The following BICD1 variants were observed in gnomAD, a reference collection of about 807,000 sequenced individuals.
The protein encoded by BICD1 is BICD cargo adaptor 1.
A neutral mutation model predicts 92.5 loss-of-function variants in BICD1; 35 were observed. The observed-to-expected ratio is 0.38, with a 90% CI of 0.29 to 0.50. BICD1 has a LOEUF of 0.50. BICD1 is among the 20% of genes least tolerant of loss of function. The probability of loss-of-function intolerance (pLI) is 0.93; values close to 1 mark genes in which losing one functional copy is unlikely to be tolerated. For synonymous variants in BICD1, 429 were observed against 465.1 expected (o/e 0.92, Z 1.00); for missense variants, 950 against 1,189.8 (o/e 0.80, Z 2.97).
rs139399739 is a variant in BICD1, at chr12:32,255,977, A to G, written c.427-38017A>G. ...TTAATTAATTATTATTAATTTATCA[A>G]TAGAGCAGATATTGAACACTTACTA... On this transcript the variant is annotated intron_variant, in intron 2 of 9. Coordinates refer to ENST00000652176, the MANE Select transcript of BICD1 (RefSeq NM_001714.4). Among the ~76,000 whole-genome samples, 270 of 152,316 alleles carry G rather than the reference A, an allele frequency of 1.8e-3. 7 individuals carry two copies. The East Asian group carries it at 0.044, about 25-fold the overall frequency.
chr12:32,110,754 G>A lies in BICD1; in HGVS notation c.213+3210G>A, dbSNP rs140931265. Among the ~76,000 whole-genome samples the A allele has an allele frequency of 1.3e-3, 190 of 147,202 alleles. 1 individual carries two copies. Among genetic ancestry groups the A allele is most frequent in the East Asian group, 8.1e-3 (40 of 4,922 alleles). On this transcript the variant is annotated intron_variant, in intron 1 of 9. Transcript: ENST00000652176. ...TAAACTTAAGAGTTTTTTTTACACCGCATGTTCTCACTCATAGATGGGAAT... is the reference window on the plus strand; with the variant it reads ...TAAACTTAAGAGTTTTTTTTACACCACATGTTCTCACTCATAGATGGGAAT...
chr12:32,370,905 A>C (rs1468838910), intron 9 of BICD1, among the ~76,000 whole-genome samples: 1 of 152,166 alleles, frequency 6.6e-6, no homozygotes, highest in Non-Finnish European at 1.5e-5. Flanking sequence ...GGGTCTGGCT[A>C]TGTTGCCCAA....
At chr12:32,257,996 T>TC (rs1946764083) in intron 2 of BICD1, among the ~76,000 whole-genome samples, 1 of 152,206 alleles carries the variant, frequency 6.6e-6, no homozygotes, top group African/African-American at 2.4e-5. Context: ...ACTATGAACA[T>TC]CCTTGTTCAT....
chr12:32,374,268 T>C (rs1939846342), intron 9 of BICD1, among the ~76,000 whole-genome samples: 1 of 151,866 alleles, frequency 6.6e-6, no homozygotes, highest in South Asian at 2.1e-4. Context: ...TCTTGTGTAA[T>C]GTGACGATTC....
At chr12:32,357,496 GCA>G (rs1163700488) in intron 8 of BICD1, among the ~76,000 whole-genome samples, 2 of 152,174 alleles carry the variant, frequency 1.3e-5, no homozygotes, top group Non-Finnish European at 2.9e-5. Context: ...GTAAGAAGGA[GCA>G]CTAACTGCTT....
intron 1 of BICD1, among the ~76,000 whole-genome samples, chr12:32,210,731 A>G (rs1006626423): frequency 3.3e-5 from 5 of 152,238 alleles, no homozygotes; most frequent in Non-Finnish European, 5.9e-5. Context: ...TTAAACAAAA[A>G]TTACCCATGA....
chr12:32,243,265 T>TTTTTTTTC (rs1491336658), intron 2 of BICD1, among the ~76,000 whole-genome samples: 1 of 36,922 alleles, frequency 2.7e-5, no homozygotes, highest in Non-Finnish European at 5.3e-5. Context: ...GCCTGGCTAA[T>TTTTTTTTC]TTTTTTTTTT....
intron 1 of BICD1, among the ~76,000 whole-genome samples, chr12:32,154,253 G>T (rs1042378803): frequency 1.3e-4 from 19 of 151,926 alleles, no homozygotes; most frequent in African/African-American, 4.6e-4. Flanking sequence ...ATATGTTCTG[G>T]GCTCCGTAGA....
chr12:32,144,477 G>A (rs1943044787), intron 1 of BICD1, among the ~76,000 whole-genome samples: 1 of 152,120 alleles, frequency 6.6e-6, no homozygotes, highest in African/African-American at 2.4e-5. Flanking sequence ...TCCACAGTGG[G>A]TACAAATGTC....
intron 1 of BICD1, chr12:32,108,787 A>G: frequency 1.7e-6 from 1 of 576,748 alleles, no homozygotes; most frequent in East Asian, 2.9e-5. Context: ...CCTATGATTA[A>G]AAATCCCAAC....
intron 2 of BICD1, among the ~76,000 whole-genome samples, chr12:32,236,441 G>A (rs1488879687): frequency 6.6e-6 from 1 of 152,016 alleles, no homozygotes; most frequent in Non-Finnish European, 1.5e-5. Flanking sequence ...ATCCATAAAT[G>A]TTGTATGTGT....
chr12:32,121,035 C>G lies in BICD1; in HGVS notation c.213+13491C>G, dbSNP rs969449423. ...CCAGGCTGGAGTGCAGTGGCGTGAT[C>G]TCAGCTCACTGCAGCCACCGCCTCC... On this transcript the variant is annotated intron_variant, in intron 1 of 9. Transcript: ENST00000652176. Among the ~76,000 whole-genome samples the G allele has an allele frequency of 1.1e-4, 16 of 140,698 alleles. No homozygotes were observed. In the Admixed American group the frequency reaches 1.2e-3, roughly 11 times the overall value. The allele number at this position is 140,698 out of a possible 152,430, so 92.3% of individuals were successfully genotyped here. A position where few individuals can be genotyped will look rare whatever the true frequency, so the allele number is the denominator to read the frequency against.
At chr12:32,353,560 A>G (rs1938976810) in intron 8 of BICD1, 1 of 150,218 alleles carries the variant, frequency 6.7e-6, no homozygotes, top group Non-Finnish European at 1.5e-5. Flanking sequence ...AATATTTTCT[A>G]GTGTGATTTT....
chr12:32,248,879 C>T (rs1008668769), intron 2 of BICD1, among the ~76,000 whole-genome samples: 3 of 152,174 alleles, frequency 2.0e-5, no homozygotes, highest in African/African-American at 7.2e-5. Flanking sequence ...AAATTCCTGG[C>T]GGCTCCACCC....
chr12:32,352,828 C>G (rs1408709188), intron 8 of BICD1: 2 of 152,064 alleles, frequency 1.3e-5, no homozygotes, highest in South Asian at 2.1e-4. Context: ...GAGCCGAGAT[C>G]GTGCCACTGC....
chr12:32,372,974 A>G lies in BICD1; in HGVS notation c.2841-4566A>G, dbSNP rs575979820. ...TCAAAATTGTTTATAGATAATAGGT[A>G]TTATAATATGAAAGGAATGCCCAAG... On this transcript the variant is annotated intron_variant, in intron 9 of 9. Coordinates refer to ENST00000652176, the MANE Select transcript of BICD1 (RefSeq NM_001714.4). Among the ~76,000 whole-genome samples, 8 of 152,324 alleles carry G rather than the reference A, an allele frequency of 5.3e-5. 1 individual carries two copies. In the South Asian group the frequency reaches 1.7e-3, roughly 32 times the overall value.
At chr12:32,368,577 C>G (rs575578047) in intron 9 of BICD1, among the ~76,000 whole-genome samples, 2 of 152,096 alleles carry the variant, frequency 1.3e-5, no homozygotes, top group Non-Finnish European at 2.9e-5. Flanking sequence ...TGCCTCTAAT[C>G]CCACCTACTC....
chr12:32,133,228 CTGT>C (rs1942619719), intron 1 of BICD1, among the ~76,000 whole-genome samples: 1 of 152,050 alleles, frequency 6.6e-6, no homozygotes, highest in Non-Finnish European at 1.5e-5. Context: ...TGGCTCATGC[CTGT>C]AATCCCAGCA....
intron 8 of BICD1, chr12:32,352,823 G>C (rs1427769275): frequency 1.3e-5 from 2 of 152,222 alleles, no homozygotes; most frequent in African/African-American, 4.8e-5. Context: ...GCAGTGAGCC[G>C]AGATCGTGCC....
Sources: gnomAD v4.1 joint callset for allele counts (sites outside exome capture counted in the v4.1 genomes callset) on GRCh38, gnomAD v4.1.1 for gene constraint, MANE v1.5 for transcripts, NCBI Gene and HGNC (gene_info 2026-07-23, HGNC 2026-07-21) for gene names.